CACNA1B: variants seen among roughly 807,000 people sequenced by gnomAD.
CACNA1B encodes the protein voltage-dependent N-type calcium channel subunit alpha-1B.
In CACNA1B, 70 loss-of-function variants were observed where a neutral mutation model predicts 247.2. The observed-to-expected ratio is 0.28, with a 90% CI of 0.23 to 0.35. CACNA1B has a LOEUF of 0.35. Ranked by LOEUF, CACNA1B falls within the 10% of genes least tolerant of loss-of-function variation. The pLI is 1.00. For synonymous variants in CACNA1B, 1,231 were observed against 1,294.4 expected (o/e 0.95, Z 1.05); for missense variants, 2,367 against 3,197.4 (o/e 0.74, Z 6.26).
intron 6 of CACNA1B, among the ~76,000 whole-genome samples, chr9:137,927,613 G>A (rs571016605): frequency 2.0e-5 from 3 of 152,302 alleles, no homozygotes; most frequent in Admixed American, 6.5e-5. Context: ...ATCTATGTGC[G>A]TAGCCTTATG....
At chr9:138,021,607 T>TG in intron 18 of CACNA1B, among the ~76,000 whole-genome samples, 1 of 152,368 alleles carries the variant, frequency 6.6e-6, no homozygotes, top group Admixed American at 6.5e-5. Context: ...TTAGTGCAGT[T>TG]GGGGTCTGGC....
At chr9:137,895,809 C>A (rs1957165428) in intron 3 of CACNA1B, among the ~76,000 whole-genome samples, 1 of 152,174 alleles carries the variant, frequency 6.6e-6, no homozygotes, top group Non-Finnish European at 1.5e-5. Flanking sequence ...CTCTTAAAAC[C>A]TGAATGCCTT....
In CACNA1B at chr9:138,023,843, G is replaced by A. The variant is rs556037442; in HGVS notation, c.3068+32G>A. 9 of 1,136,472 alleles carry A rather than the reference G, an allele frequency of 7.9e-6. No homozygotes were observed. In the South Asian group the frequency reaches 1.0e-4, roughly 13 times the overall value. 70.4% of individuals were successfully genotyped at this position (1,136,472 alleles called of 1,614,324 possible). ...CCGCGGCTGGGCGGGGTCAGGGAGG[G>A]AAGGGTTGGCCGGGGCGGCGCGGGC... On this transcript the variant is annotated intron_variant, in intron 19 of 46. Transcript: ENST00000371372.
chr9:137,897,514 A>T (rs1957185874), intron 3 of CACNA1B, among the ~76,000 whole-genome samples: 1 of 152,106 alleles, frequency 6.6e-6, no homozygotes, highest in Non-Finnish European at 1.5e-5. Flanking sequence ...CGGAAGGTAG[A>T]GGTTGCGATG....
At chr9:138,099,619 G>T (rs560925558) in intron 37 of CACNA1B, among the ~76,000 whole-genome samples, 1 of 150,054 alleles carries the variant, frequency 6.7e-6, no homozygotes, top group South Asian at 2.3e-4. Flanking sequence ...TGGTGTACTC[G>T]TGCCTGTGGT....
chr9:137,916,175 T>A (rs982246710), intron 5 of CACNA1B, among the ~76,000 whole-genome samples: 5 of 151,782 alleles, frequency 3.3e-5, no homozygotes, highest in Non-Finnish European at 5.9e-5. Context: ...TGGGATTACA[T>A]GCCCATGGTG....
At chr9:137,886,313 G>A (rs1480032238) in intron 3 of CACNA1B, among the ~76,000 whole-genome samples, 2 of 151,954 alleles carry the variant, frequency 1.3e-5, no homozygotes, top group African/African-American at 2.4e-5. Context: ...GTGCTAGGGC[G>A]CAGCTCTTAA....
At chr9:138,037,751 G>T (rs993721224) in intron 20 of CACNA1B, among the ~76,000 whole-genome samples, 1 of 152,054 alleles carries the variant, frequency 6.6e-6, no homozygotes, top group Non-Finnish European at 1.5e-5. Context: ...CTGCCATATG[G>T]TATCAGGAGC....
At chr9:138,103,282 T>A (rs998529296) in intron 38 of CACNA1B, among the ~76,000 whole-genome samples, 4 of 152,118 alleles carry the variant, frequency 2.6e-5, no homozygotes, top group Non-Finnish European at 5.9e-5. Context: ...GGTGCTTCTG[T>A]ACAACCCCCT....
chr9:138,062,302 G>A (rs1172713546), intron 31 of CACNA1B, among the ~76,000 whole-genome samples: 1 of 152,178 alleles, frequency 6.6e-6, no homozygotes, highest in African/African-American at 2.4e-5. Flanking sequence ...GCCTGCACCA[G>A]TATACCAAGC....
chr9:138,075,728 GT>G (rs2131316218), intron 34 of CACNA1B, 90 bp from the exon 35 acceptor site: 1 of 798,488 alleles, frequency 1.3e-6, no homozygotes, highest in Non-Finnish European at 2.1e-6. Flanking sequence ...TGGGGTCCTT[GT>G]ACGGCTCGCA....
At position 138,120,953 on chromosome 9, in the gene CACNA1B, C is replaced by T. The variant is rs530545445; in HGVS notation, c.6489+72C>T. On this transcript the variant is annotated intron_variant, in intron 46 of 46. Transcript: ENST00000371372. ...GCCCAGCACCCCTGTCCCACAGGCT[C>T]CTGCCTCTCCCCAGGGCCTCGCTGC... The T allele has an allele frequency of 3.4e-5, 50 of 1,480,556 alleles. No homozygotes were observed. The African/African-American group carries it at 6.7e-4, about 20-fold the overall frequency. 91.7% of individuals were successfully genotyped at this position (1,480,556 alleles called of 1,614,324 possible).
Position 137,950,093 on chromosome 9 carries a change from G to A in CACNA1B, c.967-2181G>A, listed in dbSNP as rs897669861. 6.6e-6 allele frequency among the ~76,000 whole-genome samples: 1 copy of A among 152,174 alleles called. No homozygotes were observed. The highest frequency in any genetic ancestry group is 1.5e-5 in the Non-Finnish European group (1 of 68,026). On this transcript the variant is annotated intron_variant, in intron 6 of 46. Coordinates refer to ENST00000371372, the MANE Select transcript of CACNA1B (RefSeq NM_000718.4). The surrounding 1 kb of genome is among the most constrained non-coding windows in gnomAD (Gnocchi z 4.8). Reference sequence around the variant, plus strand: ...GGAGGAGGGCTGCTGTCTTGTTGCCGGTGAGTGCAGAAGTCTAGGTTCCCC... The same window carrying A: ...GGAGGAGGGCTGCTGTCTTGTTGCCAGTGAGTGCAGAAGTCTAGGTTCCCC...
chr9:137,877,794 G>C lies in CACNA1B; in HGVS notation c.-140G>C, dbSNP rs1238309956. 4.9e-5 allele frequency: 15 copies of C among 304,882 alleles called. No homozygotes were observed. Among genetic ancestry groups the C allele is most frequent in the African/African-American group, 3.2e-4 (14 of 43,872 alleles). 18.9% of individuals were successfully genotyped at this position (304,882 alleles called of 1,614,324 possible). On this transcript the variant is annotated 5_prime_UTR_variant, in exon 1 of 47. Transcript: ENST00000371372. The stretch of plus-strand genomic sequence containing the variant: ...GGGCCGCGGAGTCGGGTGAGGCGGC[G>C]GCGGCTGCGGCGGTGGGGCCGGGCG...
chr9:137,975,513 A>G (rs1284283983), intron 11 of CACNA1B, among the ~76,000 whole-genome samples: 1 of 152,114 alleles, frequency 6.6e-6, no homozygotes, highest in Non-Finnish European at 1.5e-5. Context: ...CGGAAGGACC[A>G]GCTGGAAGCT....
chr9:138,006,860 A>G lies in CACNA1B; in HGVS notation c.2068A>G (p.Ile690Val). The G allele has an allele frequency of 6.2e-7, 1 of 1,601,378 alleles. No individual in the cohort carries two copies. Among genetic ancestry groups the G allele is most frequent in the Non-Finnish European group, 8.6e-7 (1 of 1,168,670 alleles). The stretch of plus-strand genomic sequence containing the variant: ...AGGCATGTTCTCGTCCTTTTACTTC[A>G]TTGTCCTGACACTGTTCGGAAACTG... ...SKGMFSSFYF[I>V]VLTLFGNYTL... Residue 690 changes from isoleucine (I) to valine (V), a missense_variant, in exon 16 of 47, where the codon ATT becomes GTT. By Grantham distance (29) the Ile-to-Val change is conservative. Transcript: ENST00000371372.
At chr9:138,117,903 A>G (rs1344651317) in intron 42 of CACNA1B, 43 bp from the exon 43 acceptor site, 7 of 1,496,374 alleles carry the variant, frequency 4.7e-6, no homozygotes, top group African/African-American at 1.4e-5. Context: ...AGGCACCTGC[A>G]GTCTCTGACC....
chr9:138,035,472 A>G (rs1959031019), intron 20 of CACNA1B, among the ~76,000 whole-genome samples: 1 of 152,212 alleles, frequency 6.6e-6, no homozygotes, highest in South Asian at 2.1e-4. Flanking sequence ...AAAAAAAAAG[A>G]AAGAAAAGAA....
At chr9:138,101,132 A>G (rs1240406874) in intron 37 of CACNA1B, 1 of 533,208 alleles carries the variant, frequency 1.9e-6, no homozygotes, top group African/African-American at 1.9e-5. Context: ...GGATATGTAC[A>G]GTTTGTTGCG....
Sources: allele counts gnomAD v4.1 joint callset (sites outside exome capture counted in the v4.1 genomes callset), GRCh38; gene constraint gnomAD v4.1.1; non-coding constraint Gnocchi (gnomAD v3.1); transcripts MANE v1.5; gene names NCBI Gene and HGNC (gene_info 2026-07-23, HGNC 2026-07-21).